The following ADGRB3 variants were observed in gnomAD, a reference collection of about 807,000 sequenced individuals.
ADGRB3 encodes brain-specific angiogenesis inhibitor 3.
In ADGRB3, 37 loss-of-function variants were observed where a neutral mutation model predicts 193.4. The ratio of observed to expected loss-of-function variants is 0.19; its 90% CI spans 0.15 to 0.25. The LOEUF (loss-of-function observed/expected upper bound fraction) is 0.25, where lower values mean the gene tolerates loss of function less well. ADGRB3 is among the 10% of genes least tolerant of loss of function. The pLI, the probability that ADGRB3 is intolerant of heterozygous loss-of-function variation, is 1.00. For missense variants in ADGRB3, 1,637 were observed against 1,852.9 expected (o/e 0.88, Z 2.14); for synonymous variants, 690 against 644.2 (o/e 1.07, Z -1.08).
In ADGRB3 at chr6:68,888,525, C is replaced by CT. The variant is rs1562072686; in HGVS notation, c.758-42028dup. Among the ~76,000 whole-genome samples, 3 of 140,808 alleles carry CT rather than the reference C, an allele frequency of 2.1e-5. No individual in the cohort carries two copies. The South Asian group carries it at 6.7e-4, about 32-fold the overall frequency. 92.4% of individuals were successfully genotyped at this position (140,808 alleles called of 152,430 possible). A position where few individuals can be genotyped will look rare whatever the true frequency, so the allele number is the denominator to read the frequency against. ...TATTTATCACCAGCATTTTCAGTTC[C>CT]TTTTTTGGGTAATAGATACACACAC... On this transcript the variant is annotated intron_variant, in intron 3 of 31. Transcript: ENST00000370598.
intron 20 of ADGRB3, among the ~76,000 whole-genome samples, chr6:69,305,363 T>G (rs73745995): frequency 0.034 from 5,165 of 151,546 alleles, 400 homozygotes; most frequent in African/African-American, 0.12. Flanking sequence ...TGTGACAAAA[T>G]ATACTTTTTT....
intron 1 of ADGRB3, among the ~76,000 whole-genome samples, chr6:68,636,277 G>T (rs1294073909): frequency 6.6e-6 from 1 of 151,942 alleles, no homozygotes; most frequent in Admixed American, 6.6e-5. Context: ...TTTATGAGGG[G>T]AAAATTTTAG....
Position 68,956,146 on chromosome 6 carries a change from C to G in ADGRB3, c.1318C>G (p.Pro440Ala). The G allele has an allele frequency of 6.2e-7, 1 of 1,613,560 alleles. No homozygotes were observed. The highest frequency in any genetic ancestry group is 8.5e-7 in the Non-Finnish European group (1 of 1,179,772). ...CCATGGAGGCTCCGAATGCAGAGGG[C>G]CATGGGCAGAAAGCAGAGAGTGCTA... is the stretch of plus-strand genomic sequence containing the variant. Reference protein sequence around the residue: ...AAHGGSECRGPWAESRECYNP... With the variant: ...AAHGGSECRGAWAESRECYNP... Residue 440 changes from proline to alanine, a missense_variant, in exon 7 of 32, where the codon CCA becomes GCA. Physicochemically the swap from Pro to Ala is conservative, Grantham distance 27 (BLOSUM62 -1). Around this residue, in one of 7 missense-constraint regions of ADGRB3, gnomAD observed 641 missense variants for 673.9 expected, o/e 0.95. Transcript: ENST00000370598.
intron 20 of ADGRB3, among the ~76,000 whole-genome samples, chr6:69,262,334 T>C (rs1250402875): frequency 2.0e-5 from 3 of 152,042 alleles, no homozygotes; most frequent in Non-Finnish European, 4.4e-5. Context: ...AGTAAAGAGA[T>C]AGGCAAACTT....
At chr6:69,116,427 AT>A (rs1260236808) in intron 17 of ADGRB3, among the ~76,000 whole-genome samples, 1 of 152,184 alleles carries the variant, frequency 6.6e-6, no homozygotes, top group African/African-American at 2.4e-5. Flanking sequence ...ATTAAACTGG[AT>A]TTAGGTTTTC....
chr6:68,958,067 G>T (rs1323240458), intron 8 of ADGRB3, among the ~76,000 whole-genome samples: 1 of 152,054 alleles, frequency 6.6e-6, no homozygotes, highest in South Asian at 2.1e-4. Flanking sequence ...CGGCCGTGGT[G>T]GCATGCACCT....
At chr6:68,989,000 C>T (rs1364063751) in intron 10 of ADGRB3, among the ~76,000 whole-genome samples, 1 of 152,076 alleles carries the variant, frequency 6.6e-6, no homozygotes, top group Non-Finnish European at 1.5e-5. Flanking sequence ...AGTGAACTGC[C>T]TGAAGGCTCC....
intron 17 of ADGRB3, among the ~76,000 whole-genome samples, chr6:69,185,336 T>C (rs563945263): frequency 6.6e-6 from 1 of 152,252 alleles, no homozygotes; most frequent in South Asian, 2.1e-4. Context: ...GATCTATTGA[T>C]TAACAATTTT....
rs562125917 is a variant in ADGRB3, at chr6:69,376,291, T to A, written c.4275+3850T>A. Among the ~76,000 whole-genome samples the A allele has an allele frequency of 2.6e-5, 4 of 151,612 alleles. No individual in the cohort carries two copies. The South Asian group carries it at 8.4e-4, about 32-fold the overall frequency. On this transcript the variant is annotated intron_variant, in intron 30 of 31. Coordinates refer to ENST00000370598, the MANE Select transcript of ADGRB3 (RefSeq NM_001704.3). The stretch of plus-strand genomic sequence containing the variant: ...TGTTTTGTTTTTTGTATAGATGGGG[T>A]CTCACCATGTTGCCCAGGCCAGTCT...
chr6:68,781,973 A>G (rs1348454326), intron 3 of ADGRB3, among the ~76,000 whole-genome samples: 2 of 151,694 alleles, frequency 1.3e-5, no homozygotes, highest in African/African-American at 4.8e-5. Flanking sequence ...TCTTTTTTTT[A>G]TTTTATTTTT....
chr6:69,222,660 A>C (rs72911193), intron 17 of ADGRB3, among the ~76,000 whole-genome samples: 6,981 of 152,252 alleles, frequency 0.046, 223 homozygotes, highest in Non-Finnish European at 0.071. Flanking sequence ...AGAGGAAAAA[A>C]CATTGAAAAG....
intron 17 of ADGRB3, among the ~76,000 whole-genome samples, chr6:69,118,806 G>T (rs1162137554): frequency 6.6e-6 from 1 of 151,908 alleles, no homozygotes; most frequent in East Asian, 1.9e-4. Context: ...CTTTAAATGA[G>T]TTTACCCTAT....
chr6:68,904,876 C>T (rs11967200), intron 3 of ADGRB3, among the ~76,000 whole-genome samples: 1 of 152,056 alleles, frequency 6.6e-6, no homozygotes, highest in African/African-American at 2.4e-5. Flanking sequence ...TCTAATGAAG[C>T]TTTATTATGA....
At chr6:69,319,506 A>G (rs1335065445) in intron 20 of ADGRB3, among the ~76,000 whole-genome samples, 1 of 151,110 alleles carries the variant, frequency 6.6e-6, no homozygotes, top group Non-Finnish European at 1.5e-5. Flanking sequence ...TATTTCCTCC[A>G]TTTTTGGTTA....
intron 10 of ADGRB3, among the ~76,000 whole-genome samples, chr6:68,978,253 A>G (rs1263805353): frequency 6.6e-6 from 1 of 151,440 alleles, no homozygotes; most frequent in East Asian, 1.9e-4. Flanking sequence ...TGTTAATTTG[A>G]GCTGTACCTG....
At chr6:68,724,816 G>C (rs565012615) in intron 3 of ADGRB3, among the ~76,000 whole-genome samples, 124 of 151,750 alleles carry the variant, frequency 8.2e-4, no homozygotes, top group Non-Finnish European at 1.3e-3. Context: ...AAAGCGGTGT[G>C]TTGGGGCACT....
intron 3 of ADGRB3, among the ~76,000 whole-genome samples, chr6:68,839,902 G>A (rs538735456): frequency 9.9e-5 from 15 of 152,246 alleles, no homozygotes; most frequent in African/African-American, 3.4e-4. Context: ...GCATAGGGGA[G>A]GGAGAGCACA....
chr6:69,340,887 A>C (rs1768960121), intron 26 of ADGRB3, among the ~76,000 whole-genome samples: 1 of 152,128 alleles, frequency 6.6e-6, no homozygotes, highest in Non-Finnish European at 1.5e-5. Context: ...TTCCTGTGTT[A>C]GTTTGCTGAG....
chr6:68,782,920 A>T (rs1356805381), intron 3 of ADGRB3, among the ~76,000 whole-genome samples: 4 of 151,978 alleles, frequency 2.6e-5, no homozygotes, highest in African/African-American at 9.7e-5. Context: ...AGACATACCA[A>T]GTGATAACAT....
Sources: allele counts gnomAD v4.1 joint callset (sites outside exome capture counted in the v4.1 genomes callset), GRCh38; gene constraint gnomAD v4.1.1; regional missense constraint gnomAD v4.1.1; transcripts MANE v1.5; gene names NCBI Gene and HGNC (gene_info 2026-07-23, HGNC 2026-07-21).